DRC8: variants seen among roughly 807,000 people sequenced by gnomAD.
DRC8 encodes the protein dynein regulatory complex protein 8.
At chr1:245,120,906 A>G in the DRC8 span, among the ~76,000 whole-genome samples, 7 of 152,284 alleles carry the variant, frequency 4.6e-5, no homozygotes, top group Non-Finnish European at 7.3e-5. Context: ...AGCCTCAAAC[A>G]ATATGACACC....
chr1:245,016,214 C>T, the DRC8 span, among the ~76,000 whole-genome samples: 398 of 152,304 alleles, frequency 2.6e-3, no homozygotes, highest in African/African-American at 9.1e-3. Flanking sequence ...CTCCTGACCT[C>T]AGGTGAACCA....
chr1:245,063,269 T>C, the DRC8 span, among the ~76,000 whole-genome samples: 1 of 152,096 alleles, frequency 6.6e-6, no homozygotes, highest in Non-Finnish European at 1.5e-5. Context: ...GTGCCCCATC[T>C]CCTAGGGTCC....
At chr1:245,102,279 C>T in the DRC8 span, among the ~76,000 whole-genome samples, 3 of 152,280 alleles carry the variant, frequency 2.0e-5, no homozygotes, top group South Asian at 2.1e-4. Flanking sequence ...GTGGGGAAAA[C>T]GATGTGTACA....
the DRC8 span, among the ~76,000 whole-genome samples, chr1:245,043,519 T>G: frequency 6.6e-6 from 1 of 152,234 alleles, no homozygotes; most frequent in African/African-American, 2.4e-5. Context: ...TGATTTTCAC[T>G]TTCTTTCAAA....
the DRC8 span, among the ~76,000 whole-genome samples, chr1:245,067,592 T>C: frequency 6.6e-6 from 1 of 152,182 alleles, no homozygotes; most frequent in Non-Finnish European, 1.5e-5. Flanking sequence ...ATCTCCATCT[T>C]TCATTATTCT....
the DRC8 span, among the ~76,000 whole-genome samples, chr1:244,979,422 C>G: frequency 6.7e-6 from 1 of 149,002 alleles, no homozygotes; most frequent in Admixed American, 6.7e-5. Flanking sequence ...TCTTATGTCT[C>G]AGCCTCCCAA....
chr1:245,121,240 A>G, the DRC8 span, among the ~76,000 whole-genome samples: 1 of 152,244 alleles, frequency 6.6e-6, no homozygotes, highest in African/African-American at 2.4e-5. Context: ...GTATTTTACA[A>G]AATTATCATT....
At chr1:245,062,567 G>A in the DRC8 span, among the ~76,000 whole-genome samples, 2 of 152,162 alleles carry the variant, frequency 1.3e-5, no homozygotes, top group Non-Finnish European at 2.9e-5. Flanking sequence ...TCCAACCTAA[G>A]TGGAATTATG....
the DRC8 span, among the ~76,000 whole-genome samples, chr1:244,995,431 C>G: frequency 2.6e-5 from 4 of 152,120 alleles, no homozygotes; most frequent in African/African-American, 9.7e-5. Context: ...GATCATAGCT[C>G]ACTGTAACCT....
chr1:245,104,695 C>G, the DRC8 span, among the ~76,000 whole-genome samples: 2 of 152,112 alleles, frequency 1.3e-5, no homozygotes, highest in East Asian at 3.8e-4. Flanking sequence ...CCTATAAATG[C>G]TTTGATGTTA....
At chr1:245,067,372 C>G in the DRC8 span, among the ~76,000 whole-genome samples, 6 of 152,132 alleles carry the variant, frequency 3.9e-5, no homozygotes, top group Admixed American at 3.9e-4. Flanking sequence ...AACCCATAAA[C>G]AAATGTTACA....
At chr1:244,974,938 AT>A in the DRC8 span, among the ~76,000 whole-genome samples, 8 of 145,280 alleles carry the variant, frequency 5.5e-5, no homozygotes, top group African/African-American at 5.1e-5. Flanking sequence ...TTTTATTTTT[AT>A]TTTTTTTTTG....
the DRC8 span, among the ~76,000 whole-genome samples, chr1:245,111,225 T>C: frequency 4.3e-3 from 651 of 152,300 alleles, 5 homozygotes; most frequent in Non-Finnish European, 7.6e-3. Flanking sequence ...TCCTCCTTTC[T>C]TCACCCAGGT....
At chr1:245,018,996 C>T in the DRC8 span, among the ~76,000 whole-genome samples, 5 of 152,180 alleles carry the variant, frequency 3.3e-5, no homozygotes, top group Non-Finnish European at 5.9e-5. Flanking sequence ...TTCTCTTCTG[C>T]CTTCAGGCTT....
chr1:245,071,196 A>G, the DRC8 span, among the ~76,000 whole-genome samples: 4 of 152,248 alleles, frequency 2.6e-5, no homozygotes, highest in Non-Finnish European at 4.4e-5. Context: ...ACAATGTGGA[A>G]GTGGCTTTGG....
the DRC8 span, among the ~76,000 whole-genome samples, chr1:245,010,902 C>A: frequency 6.6e-6 from 1 of 151,956 alleles, no homozygotes; most frequent in Non-Finnish European, 1.5e-5. Context: ...AGGATGGTCT[C>A]GATCTTCTAA....
chr1:245,082,110 A>G, the DRC8 span: 2 of 1,612,664 alleles, frequency 1.2e-6, no homozygotes, highest in African/African-American at 1.3e-5. Context: ...CACTGGATAC[A>G]TTCGATTCGA....
chr1:245,006,509 T>G, the DRC8 span, among the ~76,000 whole-genome samples: 1 of 152,168 alleles, frequency 6.6e-6, no homozygotes, highest in South Asian at 2.1e-4. Context: ...TTTATCATGT[T>G]GGCCAGGCTG....
At chr1:245,040,082 C>T in the DRC8 span, among the ~76,000 whole-genome samples, 2 of 152,138 alleles carry the variant, frequency 1.3e-5, no homozygotes, top group East Asian at 3.8e-4. Flanking sequence ...GTCAATCTTG[C>T]CTGTGAATGT....
Sources: allele counts gnomAD v4.1 joint callset (sites outside exome capture counted in the v4.1 genomes callset), GRCh38; gene constraint gnomAD v4.1.1; transcripts MANE v1.5; gene names NCBI Gene and HGNC (gene_info 2026-07-23, HGNC 2026-07-21).